The following RFT1 variants were observed in gnomAD, a reference collection of about 807,000 sequenced individuals.
The protein encoded by RFT1 is man(5)GlcNAc(2)-PP-dolichol translocation protein RFT1.
In RFT1, 43 loss-of-function variants were observed where a neutral mutation model predicts 62.2. The ratio of observed to expected loss-of-function variants is 0.69; its 90% CI spans 0.54 to 0.89. RFT1 has a LOEUF of 0.89. Ranked by LOEUF, RFT1 falls within the 40% of genes least tolerant of loss-of-function variation. The pLI is 0.00. For synonymous variants in RFT1, 262 were observed against 264.6 expected (o/e 0.99, Z 0.10); for missense variants, 605 against 649.9 (o/e 0.93, Z 0.75).
downstream of RFT1, among the ~76,000 whole-genome samples, chr3:53,084,694 A>G (rs926507697): frequency 2.6e-5 from 4 of 152,354 alleles, no homozygotes; most frequent in Middle Eastern, 3.4e-3. Context: ...CCAGTTTTTC[A>G]GGTCTCTTTC....
chr3:53,109,570 G>T (rs1701588968), intron 7 of RFT1, among the ~76,000 whole-genome samples: 1 of 152,184 alleles, frequency 6.6e-6, no homozygotes, highest in African/African-American at 2.4e-5. Flanking sequence ...AGCACTTTGG[G>T]AGGCCGAGGC....
the RFT1 span, among the ~76,000 whole-genome samples, chr3:53,078,603 A>G: frequency 1.3e-5 from 2 of 152,152 alleles, no homozygotes; most frequent in African/African-American, 2.4e-5. Context: ...TTAGTCGGGT[A>G]TGGTGGCTCA....
chr3:53,103,853 G>A, intron 10 of RFT1, 100 bp downstream of exon 10: 2 of 1,437,266 alleles, frequency 1.4e-6, no homozygotes, highest in African/African-American at 2.8e-5. Flanking sequence ...TCCCTACACT[G>A]ACACAGATAA....
the RFT1 span, among the ~76,000 whole-genome samples, chr3:53,072,325 T>C: frequency 1.3e-5 from 2 of 152,148 alleles, no homozygotes; most frequent in Non-Finnish European, 2.9e-5. Context: ...TTCAGTCAAA[T>C]GACAGCCTCT....
chr3:53,089,595 G>A lies in RFT1; in HGVS notation c.*2308C>T, dbSNP rs1367024094. On this transcript the variant is annotated 3_prime_UTR_variant, in exon 13 of 13. Coordinates refer to ENST00000296292, the MANE Select transcript of RFT1 (RefSeq NM_052859.4). ...GCCAGAGGCCTGGTCAGGTCCAGCTGAGCTTTAGGGAGGCACCAGAGGCAG... is the reference window on the plus strand; with the variant it reads ...GCCAGAGGCCTGGTCAGGTCCAGCTAAGCTTTAGGGAGGCACCAGAGGCAG... The A allele has an allele frequency of 6.6e-6, 1 of 152,312 alleles. No homozygotes were observed. Among genetic ancestry groups the A allele is most frequent in the Non-Finnish European group, 1.5e-5 (1 of 68,104 alleles). The allele number at this position is 152,312 out of a possible 1,614,324, so 9.4% of individuals were successfully genotyped here.
At chr3:53,077,172 G>A in the RFT1 span, among the ~76,000 whole-genome samples, 7 of 152,182 alleles carry the variant, frequency 4.6e-5, no homozygotes, top group Non-Finnish European at 1.0e-4. Context: ...ATAAAAGCAG[G>A]TAGGATTAAT....
At chr3:53,079,785 A>C in the RFT1 span, among the ~76,000 whole-genome samples, 16 of 152,222 alleles carry the variant, frequency 1.1e-4, no homozygotes, top group Non-Finnish European at 2.4e-4. Flanking sequence ...AAACCAGTCC[A>C]TCTTAACCTG....
At position 53,121,816 on chromosome 3, in the gene RFT1, T is replaced by A. The variant is rs1343580517; in HGVS notation, c.457-16A>T. 1 of 1,594,946 alleles carries A rather than the reference T, an allele frequency of 6.3e-7. No individual in the cohort carries two copies. The highest frequency in any genetic ancestry group is 2.2e-5 in the East Asian group (1 of 44,664). On this transcript the variant is annotated splice_polypyrimidine_tract_variant and intron_variant, in intron 4 of 12. Transcript: ENST00000296292. ...CTGCAATCACCTGCAAACATGTGGT[T>A]AAGGTGCAGTTTACAAACATCATCA...
chr3:53,092,113 A>C (rs1575478196), intron 12 of RFT1, 43 bp from the exon 13 acceptor site: 3 of 1,610,470 alleles, frequency 1.9e-6, no homozygotes, highest in Non-Finnish European at 8.5e-7. Context: ...CTCAGTCTAT[A>C]CCTCCTTCCT....
rs1340027372 is a variant in RFT1, at chr3:53,106,850, T to C, written c.795A>G (p.Thr265=). ...ILTEGERYVM[T]FLNVLNFGDQ... ...CACCAAAGTTCAATACATTCAAAAA[T>C]GTCATCACATATCGCTCGCCTATAA... is the stretch of plus-strand genomic sequence containing the variant. Residue 265 remains threonine, a synonymous_variant, in exon 8 of 13, where the codon ACA becomes ACG. Coordinates refer to ENST00000296292, the MANE Select transcript of RFT1 (RefSeq NM_052859.4). 1.9e-6 allele frequency: 3 copies of C among 1,613,268 alleles called. No homozygotes were observed. In the African/African-American group the frequency reaches 4.0e-5, roughly 22 times the overall value.
downstream of RFT1, among the ~76,000 whole-genome samples, chr3:53,087,583 C>T (rs1264031159): frequency 2.6e-5 from 4 of 151,816 alleles, no homozygotes; most frequent in African/African-American, 4.8e-5. Flanking sequence ...CAGGTTGGAG[C>T]GCGAACATGC....
chr3:53,104,253 G>A (rs574094215), intron 9 of RFT1, among the ~76,000 whole-genome samples, 156 bp from the exon 10 acceptor site: 4 of 152,318 alleles, frequency 2.6e-5, no homozygotes, highest in East Asian at 3.9e-4. Flanking sequence ...TTGTTTTCAC[G>A]TCAGTTAGCA....
intron 4 of RFT1, 123 bp from the exon 5 acceptor site, chr3:53,121,923 G>T: frequency 1.3e-6 from 1 of 761,956 alleles, no homozygotes; most frequent in Non-Finnish European, 2.3e-6. Flanking sequence ...CACACAGCTG[G>T]ACATAAGTAT....
chr3:53,093,855 T>C (rs1171484781), intron 11 of RFT1, among the ~76,000 whole-genome samples: 5 of 152,056 alleles, frequency 3.3e-5, no homozygotes, highest in Admixed American at 2.6e-4. Flanking sequence ...ACCGTGTCTC[T>C]ACAAAAAATT....
At chr3:53,079,904 T>G in the RFT1 span, among the ~76,000 whole-genome samples, 1 of 148,630 alleles carries the variant, frequency 6.7e-6, no homozygotes, top group East Asian at 1.9e-4. Flanking sequence ...GGGTTCAAGG[T>G]GAGGACATTG....
chr3:53,087,800 C>T (rs1207926678), downstream of RFT1, among the ~76,000 whole-genome samples: 1 of 152,198 alleles, frequency 6.6e-6, no homozygotes, highest in East Asian at 1.9e-4. Context: ...AGATTATAGG[C>T]GCAAGCCACA....
chr3:53,081,458 T>A, the RFT1 span, among the ~76,000 whole-genome samples: 5 of 152,150 alleles, frequency 3.3e-5, no homozygotes, highest in Non-Finnish European at 7.4e-5. Context: ...GTGGGTCAAG[T>A]GGACACCCAG....
chr3:53,105,458 G>A (rs1701441883), intron 9 of RFT1, among the ~76,000 whole-genome samples: 1 of 147,592 alleles, frequency 6.8e-6, no homozygotes, highest in Non-Finnish European at 1.5e-5. Context: ...AATAACAAAG[G>A]TGTGAGAAGG....
intron 6 of RFT1, among the ~76,000 whole-genome samples, chr3:53,115,756 C>T (rs779895091): frequency 5.9e-5 from 9 of 152,214 alleles, no homozygotes; most frequent in Non-Finnish European, 1.0e-4. Flanking sequence ...AAGCTTCCTC[C>T]GTGAAGCCTT....
Sources: gnomAD v4.1 joint callset for allele counts (sites outside exome capture counted in the v4.1 genomes callset) on GRCh38, gnomAD v4.1.1 for gene constraint, MANE v1.5 for transcripts, NCBI Gene and HGNC (gene_info 2026-07-23, HGNC 2026-07-21) for gene names.